Variants in DCC observed in about 807,000 individuals in gnomAD.
DCC encodes netrin receptor DCC.
DCC carries 58 observed loss-of-function variants against 172.5 expected under a neutral mutation model. The ratio of observed to expected loss-of-function variants is 0.34; its 90% CI spans 0.27 to 0.42. DCC has a LOEUF of 0.42. Among genes scored for constraint, DCC ranks in the 10% least tolerant of loss-of-function variants. The pLI, the probability that DCC is intolerant of heterozygous loss-of-function variation, is 1.00. For synonymous variants in DCC, 709 were observed against 644.5 expected, an observed-to-expected ratio of 1.10 and a Z score of -1.52; for missense variants, 1,740 against 1,791.0, an observed-to-expected ratio of 0.97 and a Z score of 0.51.
At chr18:52,642,565 G>A (rs145694613) in intron 1 of DCC, among the ~76,000 whole-genome samples, 2 of 151,754 alleles carry the variant, frequency 1.3e-5, no homozygotes, top group African/African-American at 4.8e-5. Context: ...AATATGCTGT[G>A]TACAAATATG....
intron 1 of DCC, among the ~76,000 whole-genome samples, chr18:52,492,395 G>C (rs759314683): frequency 6.6e-6 from 1 of 151,930 alleles, no homozygotes; most frequent in Non-Finnish European, 1.5e-5. Context: ...ATGATGGAGA[G>C]ATAAGATCAC....
chr18:52,891,816 T>C (rs940999600), intron 2 of DCC, among the ~76,000 whole-genome samples: 1 of 152,122 alleles, frequency 6.6e-6, no homozygotes, highest in Non-Finnish European at 1.5e-5. Context: ...ATTACCTTAC[T>C]TGTCTATTTC....
chr18:52,715,458 C>T (rs962793453), intron 1 of DCC, among the ~76,000 whole-genome samples: 2 of 151,878 alleles, frequency 1.3e-5, no homozygotes, highest in East Asian at 3.9e-4. Flanking sequence ...TGCCACCACA[C>T]CCAGCTAATT....
At chr18:52,824,443 A>AT (rs2038468788) in intron 2 of DCC, among the ~76,000 whole-genome samples, 1 of 149,308 alleles carries the variant, frequency 6.7e-6, no homozygotes, top group Admixed American at 6.6e-5. Flanking sequence ...GGCAGGATTT[A>AT]TTGGTGGGAA....
At chr18:53,012,470 C>T (rs2041744518) in intron 5 of DCC, among the ~76,000 whole-genome samples, 1 of 151,932 alleles carries the variant, frequency 6.6e-6, no homozygotes, top group South Asian at 2.1e-4. Flanking sequence ...AAAGGCAAAC[C>T]TATCCATTAT....
chr18:53,450,397 G>A (rs1425928056), intron 22 of DCC, 103 bp from the exon 23 acceptor site: 7 of 1,337,910 alleles, frequency 5.2e-6, no homozygotes, highest in African/African-American at 1.4e-5. Context: ...CCTAAGTTCA[G>A]AAAAGCCCAG....
chr18:53,469,836 A>G (rs566756929), intron 25 of DCC, among the ~76,000 whole-genome samples: 1 of 152,258 alleles, frequency 6.6e-6, no homozygotes, highest in South Asian at 2.1e-4. Flanking sequence ...TTTTAATAAG[A>G]TTTTTACAGT....
chr18:53,300,377 C>A (rs1486161537), intron 12 of DCC, among the ~76,000 whole-genome samples: 1 of 152,034 alleles, frequency 6.6e-6, no homozygotes, highest in Non-Finnish European at 1.5e-5. Flanking sequence ...AAACAAGCAC[C>A]CTTTTTGAGG....
intron 9 of DCC, among the ~76,000 whole-genome samples, chr18:53,183,797 G>A (rs2055236296): frequency 6.6e-6 from 1 of 151,856 alleles, no homozygotes; most frequent in Non-Finnish European, 1.5e-5. Flanking sequence ...GGCTCTACTT[G>A]TATGGTTGTT....
At chr18:52,792,027 G>C (rs1329550431) in intron 2 of DCC, among the ~76,000 whole-genome samples, 1 of 152,128 alleles carries the variant, frequency 6.6e-6, no homozygotes, top group Non-Finnish European at 1.5e-5. Flanking sequence ...CTGGTCTCTA[G>C]AAGAGGGGTG....
intron 7 of DCC, among the ~76,000 whole-genome samples, chr18:53,071,367 G>A (rs4510098): frequency 2.0e-5 from 3 of 151,922 alleles, no homozygotes; most frequent in East Asian, 3.9e-4. Flanking sequence ...ATGTATACAC[G>A]GTTTCCTCTA....
At chr18:53,341,609 T>G (rs570129252) in intron 15 of DCC, among the ~76,000 whole-genome samples, 22 of 152,302 alleles carry the variant, frequency 1.4e-4, no homozygotes, top group Non-Finnish European at 2.9e-4. Context: ...TTGATACTCT[T>G]TTAACATAGT....
At chr18:52,541,645 G>C (rs547690456) in intron 1 of DCC, among the ~76,000 whole-genome samples, 2 of 152,048 alleles carry the variant, frequency 1.3e-5, no homozygotes, top group East Asian at 3.9e-4. Context: ...CTTGTTCATG[G>C]AACAGCGTGG....
intron 7 of DCC, among the ~76,000 whole-genome samples, chr18:53,133,970 T>C (rs371934114): frequency 5.4e-4 from 82 of 152,292 alleles, no homozygotes; most frequent in African/African-American, 1.6e-3. Context: ...ATGAATTTTA[T>C]TGGAGAGCAA....
At chr18:52,368,619 G>A (rs1274694850) in intron 1 of DCC, among the ~76,000 whole-genome samples, 1 of 152,142 alleles carries the variant, frequency 6.6e-6, no homozygotes, top group African/African-American at 2.4e-5. Context: ...GTGCTGATGG[G>A]TGACTTTTTC....
intron 1 of DCC, among the ~76,000 whole-genome samples, chr18:52,650,934 CA>C (rs1452384633): frequency 6.6e-6 from 1 of 152,080 alleles, no homozygotes; most frequent in Non-Finnish European, 1.5e-5. Context: ...TTTAAAAATA[CA>C]AGAAGTACAA....
chr18:52,905,308 C>A (rs1174777245), intron 2 of DCC, among the ~76,000 whole-genome samples: 1 of 152,048 alleles, frequency 6.6e-6, no homozygotes, highest in Non-Finnish European at 1.5e-5. Flanking sequence ...ATTGAAGTGA[C>A]TATGTGAATT....
chr18:53,429,718 A>T (rs975817881), intron 21 of DCC, among the ~76,000 whole-genome samples: 1 of 152,110 alleles, frequency 6.6e-6, no homozygotes, highest in African/African-American at 2.4e-5. Flanking sequence ...TGGAAAATAA[A>T]ACCAAAGGTT....
chr18:52,565,839 T>G (rs1261948254), intron 1 of DCC, among the ~76,000 whole-genome samples: 1 of 152,194 alleles, frequency 6.6e-6, no homozygotes, highest in Admixed American at 6.6e-5. Flanking sequence ...CTCTTTAGTT[T>G]AATTAGATCC....
Sources: allele counts gnomAD v4.1 joint callset (sites outside exome capture counted in the v4.1 genomes callset), GRCh38; gene constraint gnomAD v4.1.1; transcripts MANE v1.5; gene names NCBI Gene and HGNC (gene_info 2026-07-23, HGNC 2026-07-21).